The following GRM1 variants were observed in gnomAD, a reference collection of about 807,000 sequenced individuals.
GRM1 encodes the protein metabotropic glutamate receptor 1.
In GRM1, 33 loss-of-function variants were observed where a neutral mutation model predicts 90.9. The observed-to-expected ratio is 0.36, with a 90% CI of 0.28 to 0.49. GRM1 has a LOEUF of 0.49. Ranked by LOEUF, GRM1 falls within the 20% of genes least tolerant of loss-of-function variation. GRM1 has a pLI of 0.99. For synonymous variants in GRM1, 700 were observed against 613.2 expected (o/e 1.14, Z -2.09); for missense variants, 1,190 against 1,534.3 (o/e 0.78, Z 3.75).
intron 1 of GRM1, among the ~76,000 whole-genome samples, chr6:146,149,843 T>C (rs1777256989): frequency 6.6e-6 from 1 of 152,062 alleles, no homozygotes; most frequent in Admixed American, 6.6e-5. Flanking sequence ...GGAACAGAGG[T>C]GAGGCTGGAA....
chr6:146,345,894 C>T (rs1380622583), intron 3 of GRM1, among the ~76,000 whole-genome samples: 1 of 152,180 alleles, frequency 6.6e-6, no homozygotes, highest in South Asian at 2.1e-4. Flanking sequence ...GATTACCTGC[C>T]AAATGCCTAC....
At chr6:146,327,959 G>A (rs1438812305) in intron 3 of GRM1, among the ~76,000 whole-genome samples, 1 of 152,206 alleles carries the variant, frequency 6.6e-6, no homozygotes, top group African/African-American at 2.4e-5. Flanking sequence ...ATAAGGGACT[G>A]GATTTCCACA....
chr6:146,324,334 G>T (rs1203634218), intron 3 of GRM1, among the ~76,000 whole-genome samples: 1 of 152,118 alleles, frequency 6.6e-6, no homozygotes, highest in Non-Finnish European at 1.5e-5. Flanking sequence ...TGAGCTCTGT[G>T]CGGGTGGCAT....
chr6:146,260,008 T>C (rs1781631217), intron 2 of GRM1, among the ~76,000 whole-genome samples: 1 of 149,690 alleles, frequency 6.7e-6, no homozygotes, highest in South Asian at 2.1e-4. Flanking sequence ...CACTATTTTA[T>C]TTTTATTATT....
chr6:146,408,355 A>G (rs1777431021), intron 7 of GRM1, among the ~76,000 whole-genome samples: 1 of 152,122 alleles, frequency 6.6e-6, no homozygotes, highest in Admixed American at 6.6e-5. Context: ...TTTTCTTTCA[A>G]ATTACTAGTC....
intron 7 of GRM1, among the ~76,000 whole-genome samples, chr6:146,411,569 T>C (rs1226638529): frequency 6.6e-6 from 1 of 152,102 alleles, no homozygotes; most frequent in Admixed American, 6.5e-5. Flanking sequence ...ACTATCACTG[T>C]ACCCCCAGTA....
At chr6:146,342,933 T>C (rs1363986181) in intron 3 of GRM1, among the ~76,000 whole-genome samples, 2 of 152,222 alleles carry the variant, frequency 1.3e-5, no homozygotes, top group African/African-American at 4.8e-5. Context: ...ATTAATGCAT[T>C]ATTATTAACT....
rs114699246 is a variant in GRM1, at chr6:146,059,827, C to A, written c.700+29610C>A. Among the ~76,000 whole-genome samples, 521 of 152,198 alleles carry A rather than the reference C, an allele frequency of 3.4e-3. 3 individuals carry two copies. The highest frequency in any genetic ancestry group is 0.011 in the African/African-American group (441 of 41,540). ...AAAAATGGTTTCTTTCCTCAAGAAC[C>A]AACCCCTTCTAGCTTCAAACTTTTC... On this transcript the variant is annotated intron_variant, in intron 1 of 7. Coordinates refer to ENST00000282753, the MANE Select transcript of GRM1 (RefSeq NM_001278064.2).
chr6:146,201,042 G>A (rs1357176078), intron 2 of GRM1, among the ~76,000 whole-genome samples: 5 of 152,108 alleles, frequency 3.3e-5, no homozygotes, highest in Non-Finnish European at 7.4e-5. Context: ...AGATCTGAGT[G>A]GTGCATTTCA....
intron 2 of GRM1, 45 bp from the exon 3 acceptor site, chr6:146,304,566 A>T (rs1264429330): frequency 3.5e-5 from 44 of 1,242,744 alleles, no homozygotes; most frequent in Non-Finnish European, 5.0e-5. Context: ...TATTTGTGAG[A>T]TGTTTGTCTT....
intron 1 of GRM1, among the ~76,000 whole-genome samples, chr6:146,091,301 C>G (rs1776707692): frequency 6.6e-6 from 1 of 152,092 alleles, no homozygotes; most frequent in Non-Finnish European, 1.5e-5. Flanking sequence ...AGAGCTCCCT[C>G]TCCACTATGG....
chr6:146,124,797 G>A (rs926849921), intron 1 of GRM1, among the ~76,000 whole-genome samples: 6 of 152,116 alleles, frequency 3.9e-5, no homozygotes, highest in Non-Finnish European at 8.8e-5. Flanking sequence ...CAACTCATCT[G>A]TGGTTATCTA....
chr6:146,089,148 C>T (rs1252416887), intron 1 of GRM1, among the ~76,000 whole-genome samples: 1 of 152,110 alleles, frequency 6.6e-6, no homozygotes, highest in African/African-American at 2.4e-5. Flanking sequence ...ACTCTCCTTG[C>T]TGGCCTGATG....
intron 5 of GRM1, among the ~76,000 whole-genome samples, chr6:146,370,092 C>A (rs1385158631): frequency 6.6e-6 from 1 of 152,004 alleles, no homozygotes; most frequent in Non-Finnish European, 1.5e-5. Context: ...CTTTGTCTCT[C>A]TTTACAGTTT....
intron 2 of GRM1, among the ~76,000 whole-genome samples, chr6:146,243,123 G>T (rs6927221): frequency 1.2e-4 from 18 of 152,056 alleles, no homozygotes; most frequent in Non-Finnish European, 2.6e-4. Flanking sequence ...CATATTGAAT[G>T]CAAGCCATGA....
At chr6:146,416,616 A>G (rs530904290) in intron 7 of GRM1, among the ~76,000 whole-genome samples, 4 of 152,264 alleles carry the variant, frequency 2.6e-5, no homozygotes, top group South Asian at 4.1e-4. Flanking sequence ...ATCAATATCT[A>G]TGTATCCCCA....
intron 1 of GRM1, among the ~76,000 whole-genome samples, chr6:146,151,611 C>A (rs1461772139): frequency 1.3e-5 from 2 of 152,130 alleles, no homozygotes; most frequent in Admixed American, 1.3e-4. Context: ...AACTTAGCCA[C>A]TAAGTCACTA....
intron 2 of GRM1, among the ~76,000 whole-genome samples, chr6:146,190,425 G>A (rs1379529844): frequency 1.3e-5 from 2 of 152,086 alleles, no homozygotes; most frequent in Non-Finnish European, 2.9e-5. Context: ...GGGTCCATGA[G>A]ATTCTTAAGG....
chr6:146,422,072 T>C (rs150456937), intron 7 of GRM1, among the ~76,000 whole-genome samples: 1 of 152,170 alleles, frequency 6.6e-6, no homozygotes. Context: ...TGCTGCATTA[T>C]TATTTCCATG....
Sources: allele counts gnomAD v4.1 joint callset (sites outside exome capture counted in the v4.1 genomes callset), GRCh38; gene constraint gnomAD v4.1.1; transcripts MANE v1.5; gene names NCBI Gene and HGNC (gene_info 2026-07-23, HGNC 2026-07-21).